Variants in DNAH17 observed in about 807,000 individuals in gnomAD.
DNAH17 encodes axonemal beta dynein heavy chain 17.
DNAH17 carries 376 observed loss-of-function variants against 485.6 expected under a neutral mutation model. That is an observed-to-expected ratio of 0.77 (90% CI 0.71 to 0.84). DNAH17 has a LOEUF of 0.84. Ranked by LOEUF, DNAH17 falls within the 40% of genes least tolerant of loss-of-function variation. DNAH17 has a pLI of 0.00. For missense variants in DNAH17, 6,370 were observed against 5,839.3 expected, an observed-to-expected ratio of 1.09 and a Z score of -2.96; for synonymous variants, 3,031 against 2,405.9, an observed-to-expected ratio of 1.26 and a Z score of -7.60.
chr17:78,424,191 C>G, intron 80 of DNAH17, 38 bp from the exon 81 acceptor site: 1 of 1,576,738 alleles, frequency 6.3e-7, no homozygotes, highest in Non-Finnish European at 8.6e-7. Context: ...GGTGTGCTGC[C>G]AGTAAGTGAG....
At chr17:78,475,938 C>G in intron 52 of DNAH17, 105 bp from the exon 53 acceptor site, 6 of 1,306,672 alleles carry the variant, frequency 4.6e-6, no homozygotes, top group Non-Finnish European at 6.2e-6. Flanking sequence ...AGGAGGTCAC[C>G]ACGGGGTCCC....
In DNAH17 at chr17:78,445,613, G is replaced by T; in HGVS notation, c.11279C>A (p.Ala3760Asp). The change falls in exon 70 of 81, where the codon GCC (alanine) becomes GAC (aspartate). Residue 3760 changes from alanine to aspartate, a missense_variant. Coordinates refer to ENST00000389840, the MANE Select transcript of DNAH17 (RefSeq NM_173628.4). ...GAAGTCCACTGGTGAGACCACTCCG[G>T]CCTTAAAAGGGAACCGCAGGAGGAA... ...LDFLLRFPFK[A>D]GVVSPVDFLQ... 6.4e-7 allele frequency: 1 copy of T among 1,566,422 alleles called. No homozygotes were observed. Among genetic ancestry groups the T allele is most frequent in the Non-Finnish European group, 8.7e-7 (1 of 1,155,330 alleles).
rs76738307 is a variant in DNAH17 at position 78,507,590 on chromosome 17, G to A, written c.4452C>T (p.Ser1484=). ...SWQQKLSTAD[S]VISIWFEVQR... ...GGACCTCAAACCAGATGGAGATGAC[G>A]GAGTCCGCCGTGGACAGCTTCTGCT... The change falls in exon 28 of 81, where the codon TCC becomes TCT. Residue 1484 remains serine (S), a synonymous_variant. Transcript: ENST00000389840. 25 of 1,614,136 alleles carry A rather than the reference G, an allele frequency of 1.5e-5. 1 individual carries two copies. In the East Asian group the frequency reaches 3.8e-4, roughly 24 times the overall value.
intron 54 of DNAH17, 47 bp from the exon 55 acceptor site, chr17:78,468,930 C>G (rs1183679203): frequency 1.3e-6 from 2 of 1,573,144 alleles, no homozygotes; most frequent in Admixed American, 1.7e-5. Context: ...AAAAGATGCT[C>G]AATTAGAGAC....
At chr17:78,471,810 A>G (rs1241328209) in intron 54 of DNAH17, among the ~76,000 whole-genome samples, 1 of 150,020 alleles carries the variant, frequency 6.7e-6, no homozygotes, top group Admixed American at 6.6e-5. Flanking sequence ...AGTCCCCTCC[A>G]CTCCCGTCCT....
intron 54 of DNAH17, among the ~76,000 whole-genome samples, chr17:78,473,001 C>T (rs1004272848): frequency 6.6e-6 from 1 of 152,220 alleles, no homozygotes; most frequent in Non-Finnish European, 1.5e-5. Flanking sequence ...CCAGGGTCCA[C>T]CCTCCACCCC....
At chr17:78,462,250 T>TGGTAGGGG (rs1255846320) in intron 57 of DNAH17, among the ~76,000 whole-genome samples, 200 of 9,704 alleles carry the variant, frequency 0.021, no homozygotes, top group Middle Eastern at 0.062. Context: ...AGCGAGAGTT[T>TGGTAGGGG]GGTAGGGGGG....
At chr17:78,466,984 T>C (rs1478235880) in intron 55 of DNAH17, among the ~76,000 whole-genome samples, 168 bp from the exon 56 acceptor site, 2 of 152,206 alleles carry the variant, frequency 1.3e-5, no homozygotes, top group South Asian at 2.1e-4. Flanking sequence ...GGCCGCTGCA[T>C]TGCCGTGGAT....
At position 78,560,607 on chromosome 17, in the gene DNAH17, A is replaced by G. The variant is rs111342537; in HGVS notation, c.2031+133T>C. The G allele has an allele frequency of 1.1e-5, 11 of 974,900 alleles. 1 individual carries two copies. Among genetic ancestry groups the G allele is most frequent in the African/African-American group, 9.8e-5 (6 of 61,306 alleles). The allele number at this position is 974,900 out of a possible 1,614,324, so 60.4% of individuals were successfully genotyped here. On this transcript the variant is annotated intron_variant, in intron 13 of 80. Coordinates refer to ENST00000389840, the MANE Select transcript of DNAH17 (RefSeq NM_173628.4). ...CATGTCTTAAATATACCCTGGACACACTTAAGAAGTAAAGCTTTAGGCGAA... is the reference window on the plus strand; with the variant it reads ...CATGTCTTAAATATACCCTGGACACGCTTAAGAAGTAAAGCTTTAGGCGAA...
chr17:78,562,031 C>T, intron 11 of DNAH17, 51 bp from the exon 12 acceptor site: 1 of 1,512,390 alleles, frequency 6.6e-7, no homozygotes, highest in African/African-American at 1.4e-5. Flanking sequence ...CTCCCCTTCC[C>T]CAGCCTGTGG....
intron 75 of DNAH17, among the ~76,000 whole-genome samples, chr17:78,432,121 G>A (rs1432936136): frequency 1.3e-5 from 2 of 152,034 alleles, no homozygotes; most frequent in African/African-American, 4.8e-5. Context: ...TAAGGCTGCA[G>A]TGAGCTGTGA....
chr17:78,575,586 C>G (rs539458598), intron 1 of DNAH17, among the ~76,000 whole-genome samples: 5 of 152,134 alleles, frequency 3.3e-5, no homozygotes, highest in Non-Finnish European at 5.9e-5. Context: ...TAGCCGCAGC[C>G]GTGGTGCACC....
rs779110779 is a variant in DNAH17, at chr17:78,525,150, G to A, written c.3723C>T (p.Ser1241=). Residue 1241 remains serine, a synonymous_variant, in exon 25 of 81, where the codon AGC becomes AGT. Coordinates refer to ENST00000389840, the MANE Select transcript of DNAH17 (RefSeq NM_173628.4). ...CCATGATGCCTTCCATGGCGGAGATGCTCTTTTGTTGCTAGGGGCGGCGAG... is the reference window on the plus strand; with the variant it reads ...CCATGATGCCTTCCATGGCGGAGATACTCTTTTGTTGCTAGGGGCGGCGAG... ...PYKSLNKQQK[S]ISAMEGIMEA... is the part of the protein sequence containing the mutation. 4 of 1,613,110 alleles carry A rather than the reference G, an allele frequency of 2.5e-6. No individual in the cohort carries two copies. Among genetic ancestry groups the A allele is most frequent in the Non-Finnish European group, 2.5e-6 (3 of 1,179,648 alleles).
intron 1 of DNAH17, among the ~76,000 whole-genome samples, chr17:78,575,886 C>T (rs371451055): frequency 4.6e-5 from 7 of 152,290 alleles, no homozygotes; most frequent in East Asian, 1.9e-4. Flanking sequence ...AATTTATGAA[C>T]AAAATACCAA....
intron 26 of DNAH17, 137 bp from the exon 27 acceptor site, chr17:78,510,643 C>A: frequency 5.2e-6 from 6 of 1,156,494 alleles, no homozygotes; most frequent in Non-Finnish European, 7.4e-6. Context: ...GAGCTCTGCT[C>A]TGCCATTTTC....
intron 68 of DNAH17, 90 bp from the exon 69 acceptor site, chr17:78,449,674 C>T (rs74343961): frequency 3.8e-6 from 5 of 1,325,864 alleles, no homozygotes; most frequent in Non-Finnish European, 5.2e-6. Flanking sequence ...CTGTGGTGGC[C>T]TCCAGTTTGT....
intron 40 of DNAH17, 24 bp from the exon 41 acceptor site, chr17:78,494,197 G>A (rs1490888684): frequency 6.3e-7 from 1 of 1,597,492 alleles, no homozygotes; most frequent in Non-Finnish European, 8.6e-7. Context: ...GATGAGGCTG[G>A]GTGAGGAACT....
chr17:78,565,659 G>A lies in DNAH17; in HGVS notation c.1569+955C>T, dbSNP rs1353921052. On this transcript the variant is annotated intron_variant, in intron 11 of 80. Coordinates refer to ENST00000389840, the MANE Select transcript of DNAH17 (RefSeq NM_173628.4). ...AACATAGCAAAACCTTGTCTCTACA[G>A]AAACAAAAAGTAGGCCAGGCGTGGT... Among the ~76,000 whole-genome samples the A allele has an allele frequency of 3.3e-5, 5 of 152,266 alleles. No homozygotes were observed. The East Asian group carries it at 7.7e-4, about 24-fold the overall frequency.
intron 58 of DNAH17, among the ~76,000 whole-genome samples, chr17:78,461,208 G>A (rs772540955): frequency 2.6e-5 from 4 of 152,106 alleles, no homozygotes; most frequent in South Asian, 2.1e-4. Context: ...CGGGCATTTC[G>A]TTACCATGCA....
Sources: allele counts gnomAD v4.1 joint callset (sites outside exome capture counted in the v4.1 genomes callset), GRCh38; gene constraint gnomAD v4.1.1; transcripts MANE v1.5; gene names NCBI Gene and HGNC (gene_info 2026-07-23, HGNC 2026-07-21).